Variants in GRM1 observed in about 807,000 individuals in gnomAD.
The protein encoded by GRM1 is glutamate metabotropic receptor 1, also known as metabotropic glutamate receptor 1.
A neutral mutation model predicts 90.9 loss-of-function variants in GRM1; 33 were observed. The observed-to-expected ratio is 0.36, with a 90% CI of 0.28 to 0.49. GRM1 has a LOEUF of 0.49. Ranked by LOEUF, GRM1 falls within the 20% of genes least tolerant of loss-of-function variation. The pLI, the probability that GRM1 is intolerant of heterozygous loss-of-function variation, is 0.99. For synonymous variants in GRM1, 700 were observed against 613.2 expected, an observed-to-expected ratio of 1.14 and a Z score of -2.09; for missense variants, 1,190 against 1,534.3, an observed-to-expected ratio of 0.78 and a Z score of 3.75.
In GRM1 at chr6:146,029,656, A is replaced by G. The variant is rs1427342815; in HGVS notation, c.139A>G (p.Ile47Val). 9 of 1,614,008 alleles carry G rather than the reference A, an allele frequency of 5.6e-6. No homozygotes were observed. The South Asian group carries it at 8.8e-5, about 16-fold the overall frequency. Residue 47 changes from isoleucine to valine, a missense_variant, in exon 1 of 8, where the codon ATT becomes GTT. Physicochemically the swap from Ile to Val is conservative, Grantham distance 29 (BLOSUM62 3). Transcript: ENST00000282753. ...GGCCAGAATGGACGGAGATGTCATCATTGGAGCCCTCTTCTCAGTCCATCA... is the reference window on the plus strand; with the variant it reads ...GGCCAGAATGGACGGAGATGTCATCGTTGGAGCCCTCTTCTCAGTCCATCA... ...SVARMDGDVI[I>V]GALFSVHHQP...
At chr6:146,034,746 T>A (rs1790823568) in intron 1 of GRM1, among the ~76,000 whole-genome samples, 1 of 152,136 alleles carries the variant, frequency 6.6e-6, no homozygotes, top group South Asian at 2.1e-4. Flanking sequence ...CAGCCTATTA[T>A]GAATTTCTTC....
At chr6:146,267,682 GCTCGGCTCGGCTCGGCTCGGCTCGT>G (rs1430132627) in intron 2 of GRM1, among the ~76,000 whole-genome samples, 106 of 102,028 alleles carry the variant, frequency 1.0e-3, no homozygotes, top group African/African-American at 9.0e-3. Context: ...GCTGGGCTGG[GCTCGGCTCGGCTCGGCTCGGCTCGT>G]CTCGTCTCGT....
intron 2 of GRM1, among the ~76,000 whole-genome samples, chr6:146,236,095 C>G (rs1203576103): frequency 2.0e-5 from 3 of 152,044 alleles, no homozygotes; most frequent in African/African-American, 7.2e-5. Context: ...TGGAGTTGGA[C>G]AGAATATAGG....
At chr6:146,385,428 T>C (rs1776467708) in intron 5 of GRM1, among the ~76,000 whole-genome samples, 1 of 151,910 alleles carries the variant, frequency 6.6e-6, no homozygotes, top group Non-Finnish European at 1.5e-5. Context: ...AATATATATA[T>C]ACGGTCAACT....
intron 2 of GRM1, among the ~76,000 whole-genome samples, chr6:146,223,978 C>A (rs1394564209): frequency 6.6e-6 from 1 of 152,008 alleles, no homozygotes; most frequent in Non-Finnish European, 1.5e-5. Context: ...GACATTATAG[C>A]AGATCCATTT....
At chr6:146,093,117 C>G (rs1319695119) in intron 1 of GRM1, among the ~76,000 whole-genome samples, 2 of 151,974 alleles carry the variant, frequency 1.3e-5, no homozygotes, top group Non-Finnish European at 2.9e-5. Context: ...AGACTAGAGC[C>G]CATGTATATT....
At chr6:146,189,848 A>G (rs918976503) in intron 2 of GRM1, among the ~76,000 whole-genome samples, 21 of 152,210 alleles carry the variant, frequency 1.4e-4, no homozygotes, top group African/African-American at 4.8e-4. Flanking sequence ...AATAACACAT[A>G]TAATTCATGG....
chr6:146,374,161 TATC>T (rs1479242078), intron 5 of GRM1, among the ~76,000 whole-genome samples: 3 of 130,014 alleles, frequency 2.3e-5, no homozygotes, highest in East Asian at 2.3e-4. Context: ...GATGTATCGG[TATC>T]GCATTGATTA....
At chr6:146,276,661 CTT>C (rs1159479182) in intron 2 of GRM1, among the ~76,000 whole-genome samples, 1 of 151,900 alleles carries the variant, frequency 6.6e-6, no homozygotes, top group Non-Finnish European at 1.5e-5. Flanking sequence ...ATTGTAAACA[CTT>C]TGATTTTTTT....
At chr6:146,429,858 T>C (rs1009278996) in intron 7 of GRM1, among the ~76,000 whole-genome samples, 5 of 152,156 alleles carry the variant, frequency 3.3e-5, no homozygotes, top group Admixed American at 1.3e-4. Flanking sequence ...TACGCGAAGG[T>C]CTTGCATTAT....
At chr6:146,429,255 A>G (rs1778320084) in intron 7 of GRM1, among the ~76,000 whole-genome samples, 1 of 152,242 alleles carries the variant, frequency 6.6e-6, no homozygotes, top group South Asian at 2.1e-4. Context: ...TTCTCATATA[A>G]TTAGAAAGCA....
In GRM1 at chr6:146,038,117, G is replaced by A. The variant is rs552016897; in HGVS notation, c.700+7900G>A. On this transcript the variant is annotated intron_variant, in intron 1 of 7. Coordinates refer to ENST00000282753, the MANE Select transcript of GRM1 (RefSeq NM_001278064.2). ...CATTTTTTTTTCTCCAGCTCCTTCA[G>A]GGCAGAAATGTAAAATAAGACCAGA... is the stretch of plus-strand genomic sequence containing the variant. 9.1e-4 allele frequency among the ~76,000 whole-genome samples: 139 copies of A among 151,974 alleles called. 1 individual carries two copies. The highest frequency in any genetic ancestry group is 3.1e-3 in the African/African-American group (129 of 41,480).
At chr6:146,039,184 G>A (rs1200741876) in intron 1 of GRM1, among the ~76,000 whole-genome samples, 8 of 151,994 alleles carry the variant, frequency 5.3e-5, no homozygotes, top group South Asian at 2.1e-4. Context: ...AACCATAGGA[G>A]TAGGCATGAG....
At chr6:146,362,836 A>T (rs185403718) in intron 5 of GRM1, among the ~76,000 whole-genome samples, 3 of 152,132 alleles carry the variant, frequency 2.0e-5, no homozygotes, top group Admixed American at 2.0e-4. Flanking sequence ...TATATGACTG[A>T]TTTTTTCATG....
intron 1 of GRM1, among the ~76,000 whole-genome samples, chr6:146,099,633 TATATAA>T (rs1163876600): frequency 2.0e-5 from 3 of 152,264 alleles, no homozygotes; most frequent in Non-Finnish European, 4.4e-5. Flanking sequence ...TTTTGAACTT[TATATAA>T]GTGGGACCAT....
At chr6:146,386,729 A>T (rs1776520944) in intron 5 of GRM1, among the ~76,000 whole-genome samples, 161 bp from the exon 6 acceptor site, 1 of 152,104 alleles carries the variant, frequency 6.6e-6, no homozygotes, top group Non-Finnish European at 1.5e-5. Flanking sequence ...AAGGTAATCA[A>T]ATATATACAA....
chr6:146,028,788 C>T (rs1413290156), upstream of GRM1, among the ~76,000 whole-genome samples: 1 of 152,132 alleles, frequency 6.6e-6, no homozygotes, highest in Non-Finnish European at 1.5e-5. Context: ...CGCGCTTCCA[C>T]CTTTACAATG....
At chr6:146,243,962 T>G (rs1334894317) in intron 2 of GRM1, among the ~76,000 whole-genome samples, 1 of 152,130 alleles carries the variant, frequency 6.6e-6, no homozygotes, top group Non-Finnish European at 1.5e-5. Context: ...CAGCGATATT[T>G]CTCCTATTTG....
At chr6:146,037,273 C>A (rs993524585) in intron 1 of GRM1, among the ~76,000 whole-genome samples, 1 of 151,840 alleles carries the variant, frequency 6.6e-6, no homozygotes, top group Non-Finnish European at 1.5e-5. Context: ...GACCCTAAAC[C>A]TAGTAATATA....
Sources: gnomAD v4.1 joint callset for allele counts (sites outside exome capture counted in the v4.1 genomes callset) on GRCh38, gnomAD v4.1.1 for gene constraint, MANE v1.5 for transcripts, NCBI Gene and HGNC (gene_info 2026-07-23, HGNC 2026-07-21) for gene names.